The following FHIT variants were observed in gnomAD, a reference collection of about 807,000 sequenced individuals.
FHIT encodes fragile histidine triad diadenosine triphosphatase.
FHIT carries 19 observed loss-of-function variants against 17.9 expected under a neutral mutation model. That is an observed-to-expected ratio of 1.06 (90% CI 0.74 to 1.56). The LOEUF (loss-of-function observed/expected upper bound fraction) is 1.56. Among genes scored for constraint, FHIT ranks in the 40% most tolerant of loss-of-function variants. FHIT has a pLI of 0.00. For missense variants in FHIT, 248 were observed against 189.2 expected, an observed-to-expected ratio of 1.31 and a Z score of -1.82; for synonymous variants, 81 against 69.7, an observed-to-expected ratio of 1.16 and a Z score of -0.81.
intron 5 of FHIT, among the ~76,000 whole-genome samples, chr3:60,448,556 A>C (rs997402144): frequency 2.0e-5 from 3 of 152,214 alleles, no homozygotes; most frequent in Non-Finnish European, 4.4e-5. Flanking sequence ...AAAATGAAGC[A>C]GAGAGTGGGT....
intron 4 of FHIT, among the ~76,000 whole-genome samples, chr3:60,674,410 T>G (rs1315806663): frequency 6.6e-6 from 1 of 152,228 alleles, no homozygotes; most frequent in Non-Finnish European, 1.5e-5. Flanking sequence ...TTCTATTTAT[T>G]GCTTTTTTCT....
intron 5 of FHIT, among the ~76,000 whole-genome samples, chr3:60,279,866 C>T (rs1314937273): frequency 1.3e-5 from 2 of 151,750 alleles, no homozygotes; most frequent in African/African-American, 2.4e-5. Context: ...CCCGTCTCTA[C>T]TAAAAATACA....
chr3:61,063,443 C>T (rs2034498455), intron 2 of FHIT, among the ~76,000 whole-genome samples: 1 of 152,020 alleles, frequency 6.6e-6, no homozygotes, highest in South Asian at 2.1e-4. Flanking sequence ...TTGCACTATA[C>T]TCCCTTCTAC....
intron 5 of FHIT, among the ~76,000 whole-genome samples, chr3:60,083,158 G>C (rs908102579): frequency 2.0e-5 from 3 of 152,056 alleles, no homozygotes; most frequent in Non-Finnish European, 4.4e-5. Flanking sequence ...AAAGGTAGGG[G>C]TCCAGTTTCT....
intron 8 of FHIT, among the ~76,000 whole-genome samples, chr3:59,869,179 C>T (rs959853889): frequency 2.6e-5 from 4 of 152,286 alleles, no homozygotes; most frequent in East Asian, 1.9e-4. Flanking sequence ...AATGAAACTA[C>T]GGCTCCTCTT....
In FHIT at chr3:60,290,367, T is replaced by C. The variant is rs932732817; in HGVS notation, c.103+246493A>G. 2.0e-5 allele frequency among the ~76,000 whole-genome samples: 3 copies of C among 152,078 alleles called. No homozygotes were observed. The South Asian group carries it at 6.2e-4, about 32-fold the overall frequency. On this transcript the variant is annotated intron_variant, in intron 5 of 9. Transcript: ENST00000492590. ...TCCTTTTAACAAATAGAAATGTGATTTGTTTATAAATGACTGTGACTTCAT... is the reference window on the plus strand; with the variant it reads ...TCCTTTTAACAAATAGAAATGTGATCTGTTTATAAATGACTGTGACTTCAT...
At chr3:59,784,300 C>A (rs1455706749) in intron 8 of FHIT, among the ~76,000 whole-genome samples, 1 of 152,168 alleles carries the variant, frequency 6.6e-6, no homozygotes, top group Non-Finnish European at 1.5e-5. Context: ...TACCTTCTAC[C>A]AGCCTTGTTT....
chr3:60,207,552 C>CGAAT (rs1367781953), intron 5 of FHIT, among the ~76,000 whole-genome samples: 1 of 151,948 alleles, frequency 6.6e-6, no homozygotes, highest in African/African-American at 2.4e-5. Context: ...GAGTATAAAG[C>CGAAT]GAATTTAGAA....
chr3:60,787,631 C>T (rs540652085), intron 4 of FHIT, among the ~76,000 whole-genome samples: 84 of 152,310 alleles, frequency 5.5e-4, no homozygotes, highest in Admixed American at 3.2e-3. Context: ...GGTTGGCATC[C>T]ATTCTTTGTG....
chr3:59,819,396 T>C (rs949971877), intron 8 of FHIT, among the ~76,000 whole-genome samples: 1 of 152,240 alleles, frequency 6.6e-6, no homozygotes, highest in African/African-American at 2.4e-5. Context: ...TGAGACAATA[T>C]GTTTGTCTGT....
At position 61,223,902 on chromosome 3, in the gene FHIT, C is replaced by G. The variant is rs577214354; in HGVS notation, c.-212-23237G>C. Among the ~76,000 whole-genome samples the G allele has an allele frequency of 2.5e-4, 38 of 151,962 alleles. No homozygotes were observed. In the East Asian group the frequency reaches 6.4e-3, roughly 26 times the overall value. Reference sequence around the variant, plus strand: ...ATACAGATAAGGGGAAAAATTCTGCCCCTCTTAAGAACCATATAAATTTGC... The same window carrying G: ...ATACAGATAAGGGGAAAAATTCTGCGCCTCTTAAGAACCATATAAATTTGC... On this transcript the variant is annotated intron_variant, in intron 1 of 9. Coordinates refer to ENST00000492590, the MANE Select transcript of FHIT (RefSeq NM_002012.4).
intron 5 of FHIT, among the ~76,000 whole-genome samples, chr3:60,449,130 A>T (rs984210798): frequency 3.9e-5 from 6 of 152,182 alleles, no homozygotes; most frequent in African/African-American, 1.4e-4. Context: ...ATTACTGTTT[A>T]GACCAAGTAT....
intron 8 of FHIT, among the ~76,000 whole-genome samples, chr3:59,814,208 T>C (rs191360349): frequency 6.6e-6 from 1 of 152,194 alleles, no homozygotes; most frequent in Non-Finnish European, 1.5e-5. Context: ...AAAACTGAGA[T>C]GGAACAACAT....
At chr3:60,986,688 T>C (rs1272078530) in intron 3 of FHIT, among the ~76,000 whole-genome samples, 1 of 152,202 alleles carries the variant, frequency 6.6e-6, no homozygotes, top group Non-Finnish European at 1.5e-5. Context: ...TCCTGAGTTC[T>C]ACCTCATGGG....
At chr3:60,107,373 G>C (rs995254877) in intron 5 of FHIT, among the ~76,000 whole-genome samples, 2 of 151,950 alleles carry the variant, frequency 1.3e-5, no homozygotes, top group South Asian at 2.1e-4. Context: ...AATCTTATCA[G>C]AATAACCTAC....
intron 5 of FHIT, among the ~76,000 whole-genome samples, chr3:60,439,830 T>C (rs2030633423): frequency 6.6e-6 from 1 of 152,084 alleles, no homozygotes; most frequent in Non-Finnish European, 1.5e-5. Context: ...GATGCAAGTG[T>C]CTTTGGGCTT....
chr3:61,176,692 T>C (rs1445556842), intron 2 of FHIT, among the ~76,000 whole-genome samples: 1 of 152,208 alleles, frequency 6.6e-6, no homozygotes, highest in Non-Finnish European at 1.5e-5. Flanking sequence ...ACCAGTTATA[T>C]TCTCACTGAT....
chr3:59,776,388 A>C (rs772044135), intron 8 of FHIT, among the ~76,000 whole-genome samples: 1 of 152,236 alleles, frequency 6.6e-6, no homozygotes, highest in Non-Finnish European at 1.5e-5. Flanking sequence ...GCAGGGTCCA[A>C]AAACAAAAAG....
chr3:60,559,239 T>C (rs2107639878), intron 4 of FHIT, among the ~76,000 whole-genome samples: 1 of 152,206 alleles, frequency 6.6e-6, no homozygotes. Context: ...TAAGACAAAA[T>C]AAATAAGGAG....
Sources: allele counts gnomAD v4.1 joint callset (sites outside exome capture counted in the v4.1 genomes callset), GRCh38; gene constraint gnomAD v4.1.1; transcripts MANE v1.5; gene names NCBI Gene and HGNC (gene_info 2026-07-23, HGNC 2026-07-21).